The following LRMDA variants were observed in gnomAD, a reference collection of about 807,000 sequenced individuals.
LRMDA encodes the protein leucine rich melanocyte differentiation associated, also known as leucine-rich melanocyte differentiation-associated protein.
Under a neutral mutation model 29.8 loss-of-function variants are expected in LRMDA, and 18 were observed. The observed-to-expected ratio is 0.60, with a 90% CI of 0.42 to 0.90. LRMDA has a LOEUF of 0.90. Among genes scored for constraint, LRMDA ranks in the 40% least tolerant of loss-of-function variants. The pLI is 0.00. For missense variants in LRMDA, 273 were observed against 273.9 expected, an observed-to-expected ratio of 1.00 and a Z score of 0.02; for synonymous variants, 125 against 109.4, an observed-to-expected ratio of 1.14 and a Z score of -0.89.
At chr10:75,444,968 G>T (rs559633046) in intron 2 of LRMDA, among the ~76,000 whole-genome samples, 3 of 152,160 alleles carry the variant, frequency 2.0e-5, no homozygotes, top group African/African-American at 7.2e-5. Flanking sequence ...CTGTCACCCA[G>T]GCTGGAATGC....
chr10:76,121,591 C>G (rs1420124024), intron 5 of LRMDA, among the ~76,000 whole-genome samples: 3 of 152,178 alleles, frequency 2.0e-5, no homozygotes, highest in African/African-American at 7.2e-5. Flanking sequence ...TGAGAGGAAA[C>G]TTCTCCCCTT....
chr10:75,662,167 C>G (rs1841761566), intron 2 of LRMDA, among the ~76,000 whole-genome samples: 1 of 151,812 alleles, frequency 6.6e-6, no homozygotes, highest in Non-Finnish European at 1.5e-5. Context: ...ATTCATTTTA[C>G]ATTTCAAAGT....
At chr10:75,764,728 A>G (rs913872214) in intron 2 of LRMDA, among the ~76,000 whole-genome samples, 2 of 152,188 alleles carry the variant, frequency 1.3e-5, no homozygotes, top group South Asian at 4.1e-4. Context: ...TGCTAACACC[A>G]CGAAGGAGAT....
chr10:76,464,077 G>C (rs770795195), intron 6 of LRMDA, among the ~76,000 whole-genome samples: 1 of 151,636 alleles, frequency 6.6e-6, no homozygotes, highest in African/African-American at 2.4e-5. Context: ...GAACCACCAC[G>C]CCCAGCTAAT....
At chr10:76,456,772 C>T (rs1206723757) in intron 6 of LRMDA, among the ~76,000 whole-genome samples, 3 of 152,008 alleles carry the variant, frequency 2.0e-5, no homozygotes, top group East Asian at 1.9e-4. Context: ...TCTACCTTCC[C>T]GTTGTTAAGA....
At chr10:75,475,566 C>T (rs1367741918) in intron 2 of LRMDA, among the ~76,000 whole-genome samples, 1 of 152,162 alleles carries the variant, frequency 6.6e-6, no homozygotes, top group Non-Finnish European at 1.5e-5. Flanking sequence ...ATCGTTGAAG[C>T]CCATTGTTTC....
intron 5 of LRMDA, among the ~76,000 whole-genome samples, chr10:76,245,504 G>A (rs1236262524): frequency 6.6e-6 from 1 of 152,224 alleles, no homozygotes; most frequent in African/African-American, 2.4e-5. Context: ...TTGATGGTGA[G>A]AGGGAAGGAA....
intron 5 of LRMDA, among the ~76,000 whole-genome samples, chr10:76,215,192 G>A (rs1037479500): frequency 6.6e-6 from 1 of 152,198 alleles, no homozygotes; most frequent in Non-Finnish European, 1.5e-5. Context: ...TTTACACATT[G>A]ACTTGAGCAT....
chr10:75,877,816 G>A (rs571280516), intron 2 of LRMDA, among the ~76,000 whole-genome samples: 116 of 152,258 alleles, frequency 7.6e-4, no homozygotes, highest in African/African-American at 2.5e-3. Flanking sequence ...ATTGCTAATC[G>A]CATTGGTACC....
chr10:75,746,490 C>T (rs139485934), intron 2 of LRMDA, among the ~76,000 whole-genome samples: 17 of 152,150 alleles, frequency 1.1e-4, no homozygotes, highest in African/African-American at 3.1e-4. Context: ...GAGAGACACA[C>T]GTACACTTTT....
intron 2 of LRMDA, among the ~76,000 whole-genome samples, chr10:75,855,434 G>C (rs1283473304): frequency 6.6e-6 from 1 of 152,016 alleles, no homozygotes; most frequent in Non-Finnish European, 1.5e-5. Context: ...TTGTAAATTT[G>C]TTGGAGTTCA....
chr10:75,516,947 G>T (rs528811578), intron 2 of LRMDA, among the ~76,000 whole-genome samples: 37 of 152,152 alleles, frequency 2.4e-4, no homozygotes, highest in African/African-American at 8.2e-4. Context: ...CACCATTTAT[G>T]AAATAGGGAA....
chr10:76,527,681 AGT>A (rs1843192027), intron 6 of LRMDA, among the ~76,000 whole-genome samples: 1 of 152,212 alleles, frequency 6.6e-6, no homozygotes. Context: ...TTTTTAGAAC[AGT>A]GTGTGATGCA....
At chr10:76,347,615 C>CGAGTG (rs1841124982) in intron 6 of LRMDA, among the ~76,000 whole-genome samples, 1 of 152,062 alleles carries the variant, frequency 6.6e-6, no homozygotes, top group Non-Finnish European at 1.5e-5. Flanking sequence ...GAAAATAGAC[C>CGAGTG]CCTAAAAATC....
At chr10:76,264,167 G>C (rs2132312431) in intron 5 of LRMDA, among the ~76,000 whole-genome samples, 1 of 152,176 alleles carries the variant, frequency 6.6e-6, no homozygotes, top group East Asian at 1.9e-4. Flanking sequence ...GGGAGGCCGA[G>C]ACCGGCAGAT....
intron 6 of LRMDA, among the ~76,000 whole-genome samples, chr10:76,376,207 G>A (rs1007670655): frequency 2.0e-5 from 3 of 151,952 alleles, no homozygotes; most frequent in East Asian, 1.9e-4. Flanking sequence ...ATATCTATGC[G>A]TATACATTAT....
At chr10:75,797,670 T>C (rs928878348) in intron 2 of LRMDA, among the ~76,000 whole-genome samples, 2 of 152,208 alleles carry the variant, frequency 1.3e-5, no homozygotes, top group Non-Finnish European at 2.9e-5. Context: ...CTGGCTTCTT[T>C]CGTTTAGCAT....
chr10:75,801,004 G>A (rs1843736427), intron 2 of LRMDA, among the ~76,000 whole-genome samples: 1 of 152,150 alleles, frequency 6.6e-6, no homozygotes, highest in Admixed American at 6.5e-5. Flanking sequence ...TAATCCTAAG[G>A]CATACCTGCA....
chr10:76,346,206 A>G (rs569208363), intron 6 of LRMDA, among the ~76,000 whole-genome samples: 5 of 152,172 alleles, frequency 3.3e-5, no homozygotes, highest in Non-Finnish European at 5.9e-5. Context: ...CTTTGTTTGG[A>G]GTGGAAGAGA....
Sources: gnomAD v4.1 joint callset for allele counts (sites outside exome capture counted in the v4.1 genomes callset) on GRCh38, gnomAD v4.1.1 for gene constraint, MANE v1.5 for transcripts, NCBI Gene and HGNC (gene_info 2026-07-23, HGNC 2026-07-21) for gene names.